ZBTB24: variants seen among roughly 807,000 people sequenced by gnomAD.
ZBTB24 encodes the protein zinc finger and BTB domain containing 24.
In ZBTB24, 32 loss-of-function variants were observed where a neutral mutation model predicts 53.8. The observed-to-expected ratio is 0.60, with a 90% CI of 0.45 to 0.80. ZBTB24 has a LOEUF of 0.80. Ranked by LOEUF, ZBTB24 falls within the 30% of genes least tolerant of loss-of-function variation. ZBTB24 has a pLI of 0.00. For missense variants in ZBTB24, 722 were observed against 837.1 expected, an observed-to-expected ratio of 0.86 and a Z score of 1.70; for synonymous variants, 297 against 306.7, an observed-to-expected ratio of 0.97 and a Z score of 0.33.
rs145848064 is a variant in ZBTB24 at position 109,479,650 on chromosome 6, C to A, written c.952+1425G>T. On this transcript the variant is annotated intron_variant, in intron 2 of 6. Coordinates refer to ENST00000230122, the MANE Select transcript of ZBTB24 (RefSeq NM_014797.3). ...AAAAATAGCCAGCTGGGCGCAGTGGCGCACGCCTGTAATCCCAGCACTTTG... is the reference window on the plus strand; with the variant it reads ...AAAAATAGCCAGCTGGGCGCAGTGGAGCACGCCTGTAATCCCAGCACTTTG... Among the ~76,000 whole-genome samples the A allele has an allele frequency of 2.0e-3, 299 of 152,306 alleles. 1 individual carries two copies. The highest frequency in any genetic ancestry group is 6.8e-3 in the African/African-American group (283 of 41,564).
chr6:109,463,695 A>G lies in ZBTB24; in HGVS notation c.*2156T>C, dbSNP rs1178073334. The G allele has an allele frequency of 6.6e-6, 1 of 152,246 alleles. No individual in the cohort carries two copies. Among genetic ancestry groups the G allele is most frequent in the African/African-American group, 2.4e-5 (1 of 41,470 alleles). 9.4% of individuals were successfully genotyped at this position (152,246 alleles called of 1,614,324 possible). On this transcript the variant is annotated 3_prime_UTR_variant, in exon 7 of 7. Coordinates refer to ENST00000230122, the MANE Select transcript of ZBTB24 (RefSeq NM_014797.3). ...CATTAGCATCCAAATGGAGATGTGC[A>G]GAAAGTGTAAAATACACACCAGATT...
intron 2 of ZBTB24, among the ~76,000 whole-genome samples, chr6:109,480,586 T>C (rs1776383283): frequency 7.3e-6 from 1 of 137,064 alleles, no homozygotes; most frequent in Non-Finnish European, 1.6e-5. Context: ...GCTAGATAGC[T>C]GAGTTACAAA....
In ZBTB24 at chr6:109,466,214, A is replaced by G; in HGVS notation, c.1731T>C (p.Thr577=). 6.2e-7 allele frequency: 1 copy of G among 1,614,260 alleles called. No individual in the cohort carries two copies. Among genetic ancestry groups the G allele is most frequent in the Non-Finnish European group, 8.5e-7 (1 of 1,180,040 alleles). The change falls in exon 7 of 7, where the codon ACT becomes ACC. Residue 577 remains threonine (T), a synonymous_variant. Coordinates refer to ENST00000230122, the MANE Select transcript of ZBTB24 (RefSeq NM_014797.3). ...CAGTCATGTTTTGGGAACTCTCTGC[A>G]GTCACAATGCTGATTCCCTGGCTAG... is the stretch of plus-strand genomic sequence containing the variant. ...PGPSQGISIV[T]AESSQNMTAD...
chr6:109,475,856 G>A (rs1399333686), intron 4 of ZBTB24, among the ~76,000 whole-genome samples: 3 of 152,218 alleles, frequency 2.0e-5, no homozygotes, highest in African/African-American at 7.2e-5. Context: ...GACAGCCATG[G>A]GATGATGATG....
At chr6:109,479,998 C>T (rs1269243447) in intron 2 of ZBTB24, among the ~76,000 whole-genome samples, 2 of 148,994 alleles carry the variant, frequency 1.3e-5, no homozygotes, top group East Asian at 2.0e-4. Flanking sequence ...CCACTTTGTT[C>T]GAAGTACCTG....
intron 3 of ZBTB24, 126 bp downstream of exon 3, chr6:109,476,637 C>T: frequency 7.5e-7 from 1 of 1,338,612 alleles, no homozygotes; most frequent in Non-Finnish European, 1.0e-6. Context: ...GATGCAAAAT[C>T]CTGTCTTTCA....
At position 109,481,975 on chromosome 6, in the gene ZBTB24, C is replaced by T. The variant is rs762201716; in HGVS notation, c.52G>A (p.Ala18Thr). Reference sequence around the variant, plus strand: ...CTGGCCAGCACAGTGTCACTGTGAGCGTCTGAGTGTACAACAAGCTGCCCA... The same window carrying T: ...CTGGCCAGCACAGTGTCACTGTGAGTGTCTGAGTGTACAACAAGCTGCCCA... ...PSGQLVVHSD[A>T]HSDTVLASFE... The change falls in exon 2 of 7, where the codon GCT (alanine) becomes ACT (threonine). Residue 18 changes from alanine (A) to threonine (T), a missense_variant. Physicochemically the swap from Ala to Thr is moderately conservative, Grantham distance 58. Coordinates refer to ENST00000230122, the MANE Select transcript of ZBTB24 (RefSeq NM_014797.3). The T allele has an allele frequency of 6.2e-7, 1 of 1,614,152 alleles. No homozygotes were observed. The highest frequency in any genetic ancestry group is 8.5e-7 in the Non-Finnish European group (1 of 1,180,042).
At position 109,481,143 on chromosome 6, in the gene ZBTB24, C is replaced by CGGGCCTCA; in HGVS notation, c.876_883dup (p.Arg295LeufsTer18). 1 of 1,614,192 alleles carries CGGGCCTCA rather than the reference C, an allele frequency of 6.2e-7. No individual in the cohort carries two copies. Among genetic ancestry groups the CGGGCCTCA allele is most frequent in the South Asian group, 1.1e-5 (1 of 91,088 alleles). On this transcript the variant is annotated frameshift_variant, in exon 2 of 7. Coordinates refer to ENST00000230122, the MANE Select transcript of ZBTB24 (RefSeq NM_014797.3). LOFTEE classifies it high-confidence loss of function. ...AAAGACCTTGCCACAGTCTTTACAGCGGGCCTCAGGGCCTCCAGGGCGCTT... is the reference window on the plus strand; with the variant it reads ...AAAGACCTTGCCACAGTCTTTACAGCGGGCCTCAGGGCCTCAGGGCCTCCAGGGCGCTT...
At chr6:109,476,995 A>G (rs1482151286) in intron 2 of ZBTB24, 65 bp from the exon 3 acceptor site, 25 of 1,576,018 alleles carry the variant, frequency 1.6e-5, no homozygotes, top group Non-Finnish European at 2.2e-5. Flanking sequence ...TCTCTCCCAA[A>G]TTAAAAAAAC....
At position 109,481,573 on chromosome 6, in the gene ZBTB24, T is replaced by C; in HGVS notation, c.454A>G (p.Asn152Asp). 6.2e-7 allele frequency: 1 copy of C among 1,614,202 alleles called. No homozygotes were observed. The highest frequency in any genetic ancestry group is 1.1e-5 in the South Asian group (1 of 91,088). Residue 152 changes from asparagine (N) to aspartate (D), a missense_variant, in exon 2 of 7, where the codon AAT becomes GAT. By Grantham distance (23) the Asn-to-Asp change is conservative (BLOSUM62 1). Transcript: ENST00000230122. ...CGCTTTGGAGGATCGTTTTTCTTAT[T>C]AGAGATAACAACCACTGGGGCACCA... ...TAGAPVVVIS[N>D]KKNDPPKRKR...
intron 2 of ZBTB24, among the ~76,000 whole-genome samples, chr6:109,479,209 A>T (rs1351167247): frequency 6.6e-6 from 1 of 152,222 alleles, no homozygotes; most frequent in Non-Finnish European, 1.5e-5. Flanking sequence ...ACAGACCCAT[A>T]CTAAAGTGAT....
chr6:109,466,118 A>G lies in ZBTB24; in HGVS notation c.1827T>C (p.Ala609=). Residue 609 remains alanine, a synonymous_variant, in exon 7 of 7, where the codon GCT becomes GCC. Transcript: ENST00000230122. ...GAATGTGTTCTGTTTGCTCCTGTTG[A>G]GCTGAAAGAATTAAATTCTGCAGTT... The part of the protein sequence containing the change: ...PEQLQNLILS[A]QQEQTEHIQS... 1 of 1,614,168 alleles carries G rather than the reference A, an allele frequency of 6.2e-7. No homozygotes were observed. The highest frequency in any genetic ancestry group is 8.5e-7 in the Non-Finnish European group (1 of 1,180,038).
intron 3 of ZBTB24, 152 bp from the exon 4 acceptor site, chr6:109,476,410 C>T (rs562915116): frequency 1.3e-6 from 1 of 797,192 alleles, no homozygotes; most frequent in Admixed American, 2.4e-5. Context: ...TTCAATCTAC[C>T]ACAGAAACAT....
chr6:109,482,445 G>C (rs1258554329), intron 1 of ZBTB24, among the ~76,000 whole-genome samples: 1 of 151,392 alleles, frequency 6.6e-6, no homozygotes, highest in Non-Finnish European at 1.5e-5. Context: ...CAGCCTGGGC[G>C]ACAGAACGAG....
chr6:109,477,016 T>G, intron 2 of ZBTB24, 86 bp from the exon 3 acceptor site: 1 of 1,537,990 alleles, frequency 6.5e-7, no homozygotes, highest in Non-Finnish European at 8.8e-7. Flanking sequence ...AATAAAGGAT[T>G]TTTCTTAAAA....
intron 3 of ZBTB24, among the ~76,000 whole-genome samples, chr6:109,476,552 A>G (rs1776281500): frequency 6.6e-6 from 1 of 152,262 alleles, no homozygotes; most frequent in South Asian, 2.1e-4. Flanking sequence ...ACATGCTTGC[A>G]CACTAAACTC....
intron 3 of ZBTB24, among the ~76,000 whole-genome samples, 189 bp downstream of exon 3, chr6:109,476,574 T>C (rs1776281942): frequency 6.6e-6 from 1 of 152,150 alleles, no homozygotes. Context: ...CAGCAGCCAG[T>C]TTATAAGCTC....
chr6:109,480,842 G>A, intron 2 of ZBTB24: 1 of 706,470 alleles, frequency 1.4e-6, no homozygotes, highest in Non-Finnish European at 1.7e-6. Flanking sequence ...TGTAAACTAT[G>A]CACTTTAGCA....
At chr6:109,478,532 A>T (rs1054923901) in intron 2 of ZBTB24, among the ~76,000 whole-genome samples, 2 of 151,650 alleles carry the variant, frequency 1.3e-5, no homozygotes, top group African/African-American at 2.4e-5. Flanking sequence ...AGTTTTACAG[A>T]CTCTCTCATA....
Sources: allele counts gnomAD v4.1 joint callset (sites outside exome capture counted in the v4.1 genomes callset), GRCh38; gene constraint gnomAD v4.1.1; transcripts MANE v1.5; gene names NCBI Gene and HGNC (gene_info 2026-07-23, HGNC 2026-07-21).